Variants in MADD observed in about 807,000 individuals in gnomAD.
The protein encoded by MADD is MAP kinase-activating death domain protein.
In MADD, 109 loss-of-function variants were observed where a neutral mutation model predicts 176.7. The ratio of observed to expected loss-of-function variants is 0.62; its 90% CI spans 0.53 to 0.72. The LOEUF (loss-of-function observed/expected upper bound fraction) is 0.72, where lower values mean the gene tolerates loss of function less well. Ranked by LOEUF, MADD falls within the 30% of genes least tolerant of loss-of-function variation. The probability of loss-of-function intolerance (pLI) is 0.00; values close to 1 mark genes in which losing one functional copy is unlikely to be tolerated. For missense variants in MADD, 1,914 were observed against 2,045.5 expected (o/e 0.94, Z 1.24); for synonymous variants, 771 against 771.3 (o/e 1.00, Z 0.01).
chr11:47,304,842 C>T (rs2081313155), intron 22 of MADD, among the ~76,000 whole-genome samples: 1 of 151,860 alleles, frequency 6.6e-6, no homozygotes. Flanking sequence ...GTGTTGATAC[C>T]CCACATCTGG....
intron 15 of MADD, 107 bp from the exon 17 acceptor site, chr11:47,289,284 C>A: frequency 1.0e-6 from 1 of 966,520 alleles, no homozygotes; most frequent in Non-Finnish European, 1.6e-6. Flanking sequence ...TACCCTCACC[C>A]AGCCCTTCTG....
intron 1 of MADD, among the ~76,000 whole-genome samples, chr11:47,271,684 CT>C (rs1358434302): frequency 4.6e-5 from 7 of 151,440 alleles, no homozygotes; most frequent in Non-Finnish European, 7.4e-5. Flanking sequence ...TTCTGTTTTA[CT>C]TTAAGATACT....
At chr11:47,292,560 C>T in intron 19 of MADD, 1 of 1,613,956 alleles carries the variant, frequency 6.2e-7, no homozygotes, top group South Asian at 1.1e-5. Flanking sequence ...GAACAAGCAC[C>T]AGGAAGTGAA....
intron 23 of MADD, chr11:47,309,024 A>G (rs749595254): frequency 3.1e-6 from 5 of 1,613,958 alleles, no homozygotes; most frequent in East Asian, 4.5e-5. Context: ...GGATGCAGCT[A>G]TGGAGACCTT....
At chr11:47,274,859 A>G in exon 3 of MADD, 2 of 1,614,190 alleles carry the variant, frequency 1.2e-6, no homozygotes, top group Non-Finnish European at 1.7e-6. Context: ...CGTGGGAAGG[A>G]AGGAACCCAT....
At chr11:47,315,728 G>T (rs1049219012) in intron 27 of MADD, among the ~76,000 whole-genome samples, 2 of 151,072 alleles carry the variant, frequency 1.3e-5, no homozygotes, top group African/African-American at 2.4e-5. Context: ...ACCCACCTTG[G>T]CCTTCCAAAA....
intron 27 of MADD, 34 bp downstream of exon 30, chr11:47,315,361 CT>C: frequency 7.5e-7 from 1 of 1,325,886 alleles, no homozygotes; most frequent in Non-Finnish European, 1.1e-6. Flanking sequence ...GCCCAAAGGG[CT>C]ATTGAGAGTC....
chr11:47,289,303 G>T (rs1450488789), intron 15 of MADD, 88 bp from the exon 17 acceptor site: 1 of 1,110,754 alleles, frequency 9.0e-7, no homozygotes, highest in African/African-American at 1.5e-5. Context: ...TGAGGAACGG[G>T]CATGGAACAT....
chr11:47,320,773 T>C (rs1053366151), intron 27 of MADD, among the ~76,000 whole-genome samples: 3 of 151,804 alleles, frequency 2.0e-5, no homozygotes, highest in African/African-American at 7.3e-5. Context: ...AATTTTAAAA[T>C]AAGCTAGGCA....
intron 27 of MADD, among the ~76,000 whole-genome samples, chr11:47,316,892 C>T (rs972926190): frequency 6.6e-6 from 1 of 151,936 alleles, no homozygotes; most frequent in Admixed American, 6.6e-5. Context: ...TACAGTCGCC[C>T]ACCACCATGC....
upstream of MADD, chr11:47,269,801 G>A (rs570626489): frequency 6.2e-4 from 94 of 152,292 alleles, no homozygotes; most frequent in African/African-American, 2.2e-3. Context: ...GGAAGTCTCA[G>A]GGGCCGATTA....
chr11:47,328,024 G>T, intron 31 of MADD: 14 of 990,240 alleles, frequency 1.4e-5, no homozygotes, highest in Non-Finnish European at 1.7e-5. Context: ...CCTGTCTTCT[G>T]CTGGGTGTGT....
At chr11:47,289,429 A>G (rs543743686) in exon 16 of MADD, 2 of 1,614,202 alleles carry the variant, frequency 1.2e-6, no homozygotes, top group Non-Finnish European at 1.7e-6. Context: ...GTCATCTGTC[A>G]TTAAACACAG....
chr11:47,311,282 T>G (rs1594626037), intron 25 of MADD, among the ~76,000 whole-genome samples: 1 of 152,074 alleles, frequency 6.6e-6, no homozygotes, highest in East Asian at 1.9e-4. Flanking sequence ...TGCACTGTAC[T>G]CTGTGGAATT....
intron 27 of MADD, among the ~76,000 whole-genome samples, chr11:47,317,383 G>T (rs192432527): frequency 6.6e-6 from 1 of 152,168 alleles, no homozygotes; most frequent in African/African-American, 2.4e-5. Flanking sequence ...AATTTTGGTT[G>T]ATATAATTCT....
chr11:47,300,394 A>G (rs779485776), intron 22 of MADD, among the ~76,000 whole-genome samples: 1 of 151,106 alleles, frequency 6.6e-6, no homozygotes, highest in African/African-American at 2.4e-5. Flanking sequence ...TTCAGTAGAG[A>G]CAGGGTTTCA....
At chr11:47,291,430 CCT>C (rs1244013430) in intron 19 of MADD, among the ~76,000 whole-genome samples, 1 of 152,146 alleles carries the variant, frequency 6.6e-6, no homozygotes, top group Non-Finnish European at 1.5e-5. Context: ...CTAGGCATCA[CCT>C]CTGTTTGGCT....
chr11:47,290,394 G>T, intron 18 of MADD, 95 bp downstream of exon 19: 1 of 1,474,174 alleles, frequency 6.8e-7, no homozygotes, highest in Non-Finnish European at 9.2e-7. Context: ...ACGTTTCCCA[G>T]TGCCACGCTG....
chr11:47,301,604 C>T (rs2077838890), intron 22 of MADD, among the ~76,000 whole-genome samples: 1 of 152,030 alleles, frequency 6.6e-6, no homozygotes, highest in Non-Finnish European at 1.5e-5. Context: ...TTTGGTGTAT[C>T]CCATAGGTTT....
Sources: allele counts gnomAD v4.1 joint callset (sites outside exome capture counted in the v4.1 genomes callset), GRCh38; gene constraint gnomAD v4.1.1; transcripts MANE v1.5; gene names NCBI Gene and HGNC (gene_info 2026-07-23, HGNC 2026-07-21).